NLGN4X: variants seen among roughly 807,000 people sequenced by gnomAD.
NLGN4X encodes the protein neuroligin-4, X-linked.
Under a neutral mutation model 40.3 loss-of-function variants are expected in NLGN4X, and 3 were observed. The ratio of observed to expected loss-of-function variants is 0.07; its 90% confidence interval spans 0.03 to 0.19. NLGN4X has a LOEUF of 0.19. Ranked by LOEUF, NLGN4X falls within the 10% of genes least tolerant of loss-of-function variation. The pLI is 1.00. For synonymous variants in NLGN4X, 270 were observed against 306.8 expected, an observed-to-expected ratio of 0.88 and a Z score of 1.25; for missense variants, 382 against 708.3, an observed-to-expected ratio of 0.54 and a Z score of 5.23.
intron 2 of NLGN4X, among the ~76,000 whole-genome samples, chrX:6,079,891 C>A (rs2038303684): frequency 9.0e-6 from 1 of 111,127 alleles, no homozygotes; most frequent in African/African-American, 3.3e-5. Flanking sequence ...TTCCAGACAG[C>A]TGTATTAATT....
chrX:6,155,132 T>C (rs761500622), intron 1 of NLGN4X, among the ~76,000 whole-genome samples: 1 of 111,187 alleles, frequency 9.0e-6, no homozygotes, highest in African/African-American at 3.3e-5. Flanking sequence ...GGAAGCTTTG[T>C]AGATGCTTTT....
intron 2 of NLGN4X, among the ~76,000 whole-genome samples, chrX:6,067,087 C>A (rs2037938140): frequency 9.4e-6 from 1 of 106,672 alleles, no homozygotes; most frequent in Non-Finnish European, 1.9e-5. Context: ...TCAGCCTGGG[C>A]AACAGAGTGA....
At chrX:6,124,047 A>T (rs972387808) in intron 2 of NLGN4X, among the ~76,000 whole-genome samples, 29 of 110,904 alleles carry the variant, frequency 2.6e-4, no homozygotes, top group African/African-American at 9.4e-4. Context: ...GACACTAAAA[A>T]TTTTAAATAT....
chrX:6,081,461 T>C (rs2038347276), intron 2 of NLGN4X, among the ~76,000 whole-genome samples: 1 of 112,295 alleles, frequency 8.9e-6, no homozygotes, highest in African/African-American at 3.2e-5. Context: ...TCTTTTTTGA[T>C]ATAAATGCAT....
chrX:6,123,589 G>C (rs1362398235), intron 2 of NLGN4X, among the ~76,000 whole-genome samples: 2 of 111,266 alleles, frequency 1.8e-5, no homozygotes, highest in African/African-American at 3.3e-5. Context: ...TTGAGAGAGA[G>C]AGATGCCGAA....
chrX:6,168,811 G>A (rs988342661), intron 1 of NLGN4X, among the ~76,000 whole-genome samples: 1 of 111,288 alleles, frequency 9.0e-6, no homozygotes, highest in African/African-American at 3.3e-5. Context: ...CTGTCACCCA[G>A]GCTGGAATAC....
At chrX:6,170,157 A>G (rs2040576588) in intron 1 of NLGN4X, among the ~76,000 whole-genome samples, 2 of 110,828 alleles carry the variant, frequency 1.8e-5, no homozygotes, top group Admixed American at 1.9e-4. Context: ...CAGGCACGCT[A>G]TGTTGCCCAG....
chrX:6,030,576 G>A (rs1431606923), intron 2 of NLGN4X, among the ~76,000 whole-genome samples: 1 of 109,628 alleles, frequency 9.1e-6, no homozygotes, highest in East Asian at 2.9e-4. Flanking sequence ...AATTACCATC[G>A]TTTGGATGGT....
At chrX:6,189,576 G>T (rs1226024185) in intron 1 of NLGN4X, among the ~76,000 whole-genome samples, 1 of 112,061 alleles carries the variant, frequency 8.9e-6, no homozygotes, top group African/African-American at 3.2e-5. Flanking sequence ...TCCTTCTCAT[G>T]ATTGTGCACT....
chrX:6,098,141 T>C (rs1342358785), intron 2 of NLGN4X, among the ~76,000 whole-genome samples: 1 of 109,951 alleles, frequency 9.1e-6, no homozygotes, highest in Non-Finnish European at 1.9e-5. Context: ...CTACAAAAAA[T>C]AAAATAAGCT....
chrX:6,162,369 AATATTTG>A (rs1372527393), intron 1 of NLGN4X, among the ~76,000 whole-genome samples: 29 of 112,050 alleles, frequency 2.6e-4, no homozygotes, highest in African/African-American at 8.7e-4. Flanking sequence ...AAAGGAGATT[AATATTTG>A]AGTCAGAGGG....
intron 2 of NLGN4X, among the ~76,000 whole-genome samples, chrX:6,131,310 C>T (rs1043813326): frequency 8.9e-6 from 1 of 111,949 alleles, no homozygotes; most frequent in African/African-American, 3.3e-5. Context: ...GCATGGCATG[C>T]TAATCATCTG....
At chrX:6,037,031 ATATGGGC>A (rs892224883) in intron 2 of NLGN4X, among the ~76,000 whole-genome samples, 3 of 111,418 alleles carry the variant, frequency 2.7e-5, no homozygotes, top group African/African-American at 9.8e-5. Flanking sequence ...TTGGAAAATG[ATATGGGC>A]GCGGTGGCTC....
Position 6,127,126 on chromosome X carries a change from G to A in NLGN4X, c.472+23869C>T, listed in dbSNP as rs747457169. Among the ~76,000 whole-genome samples, 19 of 111,181 alleles carry A rather than the reference G, an allele frequency of 1.7e-4. No homozygotes were observed. In the East Asian group the frequency reaches 4.9e-3, roughly 28 times the overall value. On this transcript the variant is annotated intron_variant, in intron 2 of 5. Coordinates refer to ENST00000381095, the MANE Select transcript of NLGN4X (RefSeq NM_181332.3). ...GAAGACACTAGCAGGTAATCCGGAGGGCAGAAGGCGAGTAAGGCCTGTATA... is the reference window on the plus strand; with the variant it reads ...GAAGACACTAGCAGGTAATCCGGAGAGCAGAAGGCGAGTAAGGCCTGTATA...
At chrX:5,979,443 T>C (rs2035306863) in intron 3 of NLGN4X, among the ~76,000 whole-genome samples, 1 of 110,600 alleles carries the variant, frequency 9.0e-6, no homozygotes, top group African/African-American at 3.3e-5. Flanking sequence ...AAGTCCTGGT[T>C]TCATATCACT....
chrX:6,140,028 T>C (rs2039909474), intron 2 of NLGN4X, among the ~76,000 whole-genome samples: 2 of 111,252 alleles, frequency 1.8e-5, no homozygotes, highest in Non-Finnish European at 3.8e-5. Context: ...TATTAGATGT[T>C]CCCTTGTTGA....
chrX:6,185,886 T>C (rs761078022), intron 1 of NLGN4X, among the ~76,000 whole-genome samples: 2 of 111,742 alleles, frequency 1.8e-5, no homozygotes, highest in East Asian at 2.8e-4. Context: ...TCTTGTGTTG[T>C]TGAACGCCAC....
chrX:5,970,973 C>T (rs2035005195), intron 3 of NLGN4X, among the ~76,000 whole-genome samples: 1 of 111,351 alleles, frequency 9.0e-6, no homozygotes, highest in African/African-American at 3.3e-5. Flanking sequence ...TGACTACTCT[C>T]GGTATAGATA....
At chrX:6,052,952 G>A (rs899784214) in intron 2 of NLGN4X, among the ~76,000 whole-genome samples, 1 of 112,006 alleles carries the variant, frequency 8.9e-6, no homozygotes, top group Non-Finnish European at 1.9e-5. Context: ...ATGTTTCCTC[G>A]CTTCTTTTAA....
Sources: gnomAD v4.1 joint callset for allele counts (sites outside exome capture counted in the v4.1 genomes callset) on GRCh38, gnomAD v4.1.1 for gene constraint, MANE v1.5 for transcripts, NCBI Gene and HGNC (gene_info 2026-07-23, HGNC 2026-07-21) for gene names.